Variants in PSTPIP2 observed in about 807,000 individuals in gnomAD.
PSTPIP2 encodes proline-serine-threonine phosphatase interacting protein 2, also known as proline-serine-threonine phosphatase-interacting protein 2.
PSTPIP2 carries 33 observed loss-of-function variants against 63.3 expected under a neutral mutation model. The observed-to-expected ratio is 0.52, with a 90% confidence interval of 0.40 to 0.70. The LOEUF is 0.70. Ranked by LOEUF, PSTPIP2 falls within the 30% of genes least tolerant of loss-of-function variation. The pLI is 0.00. For missense variants in PSTPIP2, 312 were observed against 400.7 expected (o/e 0.78, Z 1.89); for synonymous variants, 125 against 132.7 (o/e 0.94, Z 0.40).
chr18:46,029,040 C>A, intron 2 of PSTPIP2: 2 of 802,398 alleles, frequency 2.5e-6, no homozygotes, highest in Non-Finnish European at 4.5e-6. Flanking sequence ...ATCACTATTT[C>A]AGGTTGATGG....
intron 1 of PSTPIP2, among the ~76,000 whole-genome samples, chr18:46,062,263 T>G (rs1194230094): frequency 6.6e-6 from 1 of 152,086 alleles, no homozygotes; most frequent in Non-Finnish European, 1.5e-5. Context: ...GATTTCCCCA[T>G]CTTGTTGCAT....
At chr18:46,043,728 C>T (rs1387153802) in intron 1 of PSTPIP2, among the ~76,000 whole-genome samples, 1 of 152,034 alleles carries the variant, frequency 6.6e-6, no homozygotes, top group African/African-American at 2.4e-5. Context: ...TTGTAGACAA[C>T]ATGATTATGG....
chr18:45,991,850 A>C (rs1167932110), intron 12 of PSTPIP2, 52 bp downstream of exon 12: 4 of 1,475,768 alleles, frequency 2.7e-6, no homozygotes, highest in Admixed American at 1.8e-5. Flanking sequence ...ATTCATGATA[A>C]CAATGTTTGT....
rs371604789 is a variant in PSTPIP2 at position 45,992,130 on chromosome 18, G to A, written c.814C>T (p.Arg272Cys). 6.5e-5 allele frequency: 105 copies of A among 1,608,492 alleles called. No individual in the cohort carries two copies. Among genetic ancestry groups the A allele is most frequent in the African/African-American group, 1.1e-4 (8 of 74,850 alleles). The change falls in exon 11 of 15, where the codon CGC becomes TGC. Residue 272 changes from arginine (R) to cysteine (C), a missense_variant. Transcript: ENST00000409746. ...QRDIEYFVNQ[R>C]KTGQIPPAPI... Reference sequence around the variant, plus strand: ...CCTGGTGGAATCTGTCCAGTTTTGCGTTGATTCACAAAGTATTCAATGTCC... The same window carrying A: ...CCTGGTGGAATCTGTCCAGTTTTGCATTGATTCACAAAGTATTCAATGTCC...
intron 13 of PSTPIP2, 122 bp from the exon 14 acceptor site, chr18:45,988,881 A>C: frequency 1.3e-6 from 1 of 774,372 alleles, no homozygotes; most frequent in Non-Finnish European, 2.2e-6. Context: ...TAAAGAGAAA[A>C]TAGATCTGCC....
At position 46,039,992 on chromosome 18, in the gene PSTPIP2, T is replaced by C; in HGVS notation, c.89A>G (p.Asn30Ser). The C allele has an allele frequency of 6.2e-7, 1 of 1,613,900 alleles. No homozygotes were observed. ...GYDNIIQHLN[N>S]GRKNCKEFED... Reference sequence around the variant, plus strand: ...AAACTCTTTGCAGTTCTTGCGGCCATTGTTCAGATGTTGGATAATGTTGTC... The same window carrying C: ...AAACTCTTTGCAGTTCTTGCGGCCACTGTTCAGATGTTGGATAATGTTGTC... Residue 30 changes from asparagine to serine, a missense_variant, in exon 2 of 15, where the codon AAT becomes AGT. By Grantham distance (46) the Asn-to-Ser change is conservative. Coordinates refer to ENST00000409746, the MANE Select transcript of PSTPIP2 (RefSeq NM_024430.4).
chr18:46,028,275 C>A (rs1197069145), intron 2 of PSTPIP2: 1 of 442,262 alleles, frequency 2.3e-6, no homozygotes, highest in South Asian at 1.9e-5. Context: ...ACAGTAGAAC[C>A]GCAGCGAAGC....
In PSTPIP2 at chr18:45,997,756, G is replaced by T; in HGVS notation, c.635C>A (p.Ala212Asp). 1 of 1,504,574 alleles carries T rather than the reference G, an allele frequency of 6.6e-7. No individual in the cohort carries two copies. 93.2% of individuals were successfully genotyped at this position (1,504,574 alleles called of 1,614,324 possible). Reference sequence around the variant, plus strand: ...GCTTCCGGTTACGGGTACCTCGCAGGCCTTGATGTGCTCACTCTGCCACTC... The same window carrying T: ...GCTTCCGGTTACGGGTACCTCGCAGTCCTTGATGTGCTCACTCTGCCACTC... ...REEWQSEHIK[A>D]CEAFEAQECE... The change falls in exon 9 of 15, where the codon GCC (alanine) becomes GAC (aspartate). Residue 212 changes from alanine (A) to aspartate (D), a missense_variant. Coordinates refer to ENST00000409746, the MANE Select transcript of PSTPIP2 (RefSeq NM_024430.4).
chr18:46,056,118 G>A (rs1465324789), intron 1 of PSTPIP2, among the ~76,000 whole-genome samples: 1 of 152,186 alleles, frequency 6.6e-6, no homozygotes, highest in Non-Finnish European at 1.5e-5. Context: ...AGCCCTGCAG[G>A]GGCTGGGATG....
At chr18:46,007,891 A>G (rs1303351399) in intron 5 of PSTPIP2, among the ~76,000 whole-genome samples, 1 of 152,202 alleles carries the variant, frequency 6.6e-6, no homozygotes, top group African/African-American at 2.4e-5. Flanking sequence ...CTGGGGCCCA[A>G]GAGGTGAGAC....
intron 2 of PSTPIP2, among the ~76,000 whole-genome samples, chr18:46,036,399 T>G (rs1469105051): frequency 2.6e-5 from 4 of 152,166 alleles, no homozygotes; most frequent in Admixed American, 2.6e-4. Flanking sequence ...TAAGGAGTAA[T>G]ATGGTTTGAA....
intron 1 of PSTPIP2, among the ~76,000 whole-genome samples, chr18:46,064,546 C>T (rs565849062): frequency 4.2e-4 from 64 of 150,612 alleles, no homozygotes; most frequent in African/African-American, 1.4e-3. Context: ...GTGATTCACC[C>T]GCCTGGGCCT....
At chr18:46,031,821 T>C (rs1321459384) in intron 2 of PSTPIP2, among the ~76,000 whole-genome samples, 3 of 152,174 alleles carry the variant, frequency 2.0e-5, no homozygotes, top group Admixed American at 6.5e-5. Context: ...ATAGGCCACA[T>C]CTTGTTCCCC....
chr18:46,012,265 T>C (rs767481176), intron 4 of PSTPIP2, among the ~76,000 whole-genome samples: 1 of 151,824 alleles, frequency 6.6e-6, no homozygotes, highest in Non-Finnish European at 1.5e-5. Context: ...AACAGCACTG[T>C]TGGGGAAAAA....
At position 45,983,928 on chromosome 18, in the gene PSTPIP2, C is replaced by CGTTGGGAGG. The variant is rs2051442846; in HGVS notation, c.*1530_*1531insCCTCCCAAC. The CGTTGGGAGG allele has an allele frequency of 6.6e-6, 1 of 152,180 alleles. No individual in the cohort carries two copies. The highest frequency in any genetic ancestry group is 6.6e-5 in the Admixed American group (1 of 15,258). The allele number at this position is 152,180 out of a possible 1,614,324, so 9.4% of individuals were successfully genotyped here. A position where few individuals can be genotyped will look rare whatever the true frequency, so the allele number is the denominator to read the frequency against. On this transcript the variant is annotated 3_prime_UTR_variant, in exon 15 of 15. Transcript: ENST00000409746. ...TTGGGAGGCCGAGGCAGGTGGATCACCTGAGGTCAGGAGTTTGAGACCAGC... is the reference window on the plus strand; with the variant it reads ...TTGGGAGGCCGAGGCAGGTGGATCACGTTGGGAGGCTGAGGTCAGGAGTTTGAGACCAGC...
chr18:46,020,068 C>T (rs1165379797), intron 3 of PSTPIP2, among the ~76,000 whole-genome samples: 1 of 152,138 alleles, frequency 6.6e-6, no homozygotes, highest in Non-Finnish European at 1.5e-5. Flanking sequence ...AAGAGCAGCC[C>T]CATCTTCATT....
At chr18:46,017,027 T>C (rs2051859503) in intron 3 of PSTPIP2, among the ~76,000 whole-genome samples, 1 of 152,174 alleles carries the variant, frequency 6.6e-6, no homozygotes, top group Non-Finnish European at 1.5e-5. Flanking sequence ...CCTCAGACCT[T>C]TTGTCCTGGA....
intron 14 of PSTPIP2, 140 bp downstream of exon 14, chr18:45,988,562 G>T: frequency 1.5e-6 from 1 of 682,566 alleles, no homozygotes; most frequent in East Asian, 2.7e-5. Flanking sequence ...GTCCTGAAGG[G>T]ACAGCATGCT....
chr18:45,992,343 A>G (rs1453598152), intron 10 of PSTPIP2, 141 bp from the exon 11 acceptor site: 1 of 685,992 alleles, frequency 1.5e-6, no homozygotes, highest in Non-Finnish European at 2.5e-6. Context: ...TGGGCGGATC[A>G]CAAGGTCAGG....
Sources: gnomAD v4.1 joint callset for allele counts (sites outside exome capture counted in the v4.1 genomes callset) on GRCh38, gnomAD v4.1.1 for gene constraint, MANE v1.5 for transcripts, NCBI Gene and HGNC (gene_info 2026-07-23, HGNC 2026-07-21) for gene names.